COL22A1: variants seen among roughly 807,000 people sequenced by gnomAD.
COL22A1 encodes collagen alpha-1(XXII) chain.
COL22A1 carries 221 observed loss-of-function variants against 248.9 expected under a neutral mutation model. The observed-to-expected ratio is 0.89, with a 90% CI of 0.80 to 0.99. The LOEUF (loss-of-function observed/expected upper bound fraction) is 0.99. COL22A1 is among the 50% of genes least tolerant of loss of function. The pLI is 0.00. For missense variants in COL22A1, 2,240 were observed against 2,179.0 expected (o/e 1.03, Z -0.56); for synonymous variants, 891 against 793.4 (o/e 1.12, Z -2.07).
chr8:138,730,507 G>A (rs952669355), intron 23 of COL22A1, among the ~76,000 whole-genome samples: 5 of 152,120 alleles, frequency 3.3e-5, no homozygotes, highest in Non-Finnish European at 5.9e-5. Flanking sequence ...CTGGTGTCCC[G>A]GGAAAAGCAT....
intron 56 of COL22A1, among the ~76,000 whole-genome samples, chr8:138,609,773 C>G (rs925854478): frequency 6.6e-6 from 1 of 152,098 alleles, no homozygotes; most frequent in East Asian, 1.9e-4. Context: ...CATACGGTGC[C>G]AACACAGGCC....
chr8:138,811,902 G>A lies in COL22A1; in HGVS notation c.1346C>T (p.Thr449Ile), dbSNP rs1257565394. Residue 449 changes from threonine (T) to isoleucine (I), a missense_variant, in exon 9 of 65, where the codon ACA becomes ATA. Physicochemically the swap from Thr to Ile is moderately conservative, Grantham distance 89. Coordinates refer to ENST00000303045, the MANE Select transcript of COL22A1 (RefSeq NM_152888.3). ...GGGTGGGGGTGGAGGTGGAGGCTCT[G>A]TCACCACGGTCACCTGGCACTGGAA... ...PSGPCQVTVV[T>I]EPPPPPPPQR... The A allele has an allele frequency of 6.4e-7, 1 of 1,555,654 alleles. No individual in the cohort carries two copies. Among genetic ancestry groups the A allele is most frequent in the Non-Finnish European group, 8.7e-7 (1 of 1,150,936 alleles).
chr8:138,687,550 T>C (rs779231026), intron 37 of COL22A1, among the ~76,000 whole-genome samples: 2 of 152,210 alleles, frequency 1.3e-5, no homozygotes, highest in Non-Finnish European at 2.9e-5. Flanking sequence ...GGACAATCCA[T>C]GCCCCAATAT....
chr8:138,792,252 T>C (rs2131586735), intron 12 of COL22A1, among the ~76,000 whole-genome samples: 1 of 152,244 alleles, frequency 6.6e-6, no homozygotes, highest in East Asian at 1.9e-4. Flanking sequence ...TCTAGGCAAA[T>C]CCCTGCCTGA....
chr8:138,860,352 C>T (rs1563854001), intron 3 of COL22A1, among the ~76,000 whole-genome samples: 1 of 152,208 alleles, frequency 6.6e-6, no homozygotes. Context: ...AGCATAGAGA[C>T]CTCACTCCAG....
In COL22A1 at chr8:138,753,436, T is replaced by A. The variant is rs1354645664; in HGVS notation, c.2031+1721A>T. Among the ~76,000 whole-genome samples the A allele has an allele frequency of 3.3e-5, 5 of 152,174 alleles. No individual in the cohort carries two copies. The East Asian group carries it at 9.7e-4, about 29-fold the overall frequency. The stretch of plus-strand genomic sequence containing the variant: ...ACATCATGTATTGTACTAAATCCCA[T>A]TCTGTCTAGGCTAGAAGACATCTTC... On this transcript the variant is annotated intron_variant, in intron 21 of 64. Coordinates refer to ENST00000303045, the MANE Select transcript of COL22A1 (RefSeq NM_152888.3).
At chr8:138,839,216 G>A (rs1320875524) in intron 4 of COL22A1, among the ~76,000 whole-genome samples, 2 of 152,070 alleles carry the variant, frequency 1.3e-5, no homozygotes, top group African/African-American at 4.8e-5. Flanking sequence ...CACTATAAAG[G>A]GCCTCCTATG....
intron 3 of COL22A1, 55 bp downstream of exon 3, chr8:138,877,695 C>T (rs1459028349): frequency 2.0e-6 from 3 of 1,494,288 alleles, no homozygotes; most frequent in East Asian, 2.3e-5. Context: ...CTCCCGTGGG[C>T]TCAGCAGGGG....
rs575870682 is a variant in COL22A1, at chr8:138,594,606, C to T, written c.4433-407G>A. 9.2e-5 allele frequency among the ~76,000 whole-genome samples: 14 copies of T among 152,288 alleles called. No individual in the cohort carries two copies. In the South Asian group the frequency reaches 2.9e-3, roughly 32 times the overall value. On this transcript the variant is annotated intron_variant, in intron 62 of 64. Coordinates refer to ENST00000303045, the MANE Select transcript of COL22A1 (RefSeq NM_152888.3). Reference sequence around the variant, plus strand: ...CTACGCAATGGAGACAAAGAAACCGCACCCTACCCCACTGGGCTGGAATGA... The same window carrying T: ...CTACGCAATGGAGACAAAGAAACCGTACCCTACCCCACTGGGCTGGAATGA...
intron 59 of COL22A1, 75 bp downstream of exon 59, chr8:138,604,659 C>T (rs1290623698): frequency 7.6e-7 from 1 of 1,312,382 alleles, no homozygotes; most frequent in Non-Finnish European, 1.1e-6. Flanking sequence ...CTTCTAAGCC[C>T]AGGGCCTGAG....
intron 3 of COL22A1, among the ~76,000 whole-genome samples, chr8:138,856,652 G>A (rs1822042486): frequency 6.6e-6 from 1 of 150,970 alleles, no homozygotes; most frequent in African/African-American, 2.4e-5. Context: ...AACAGAGACA[G>A]AGACACAGCA....
intron 9 of COL22A1, among the ~76,000 whole-genome samples, chr8:138,810,990 T>C (rs751959083): frequency 6.6e-6 from 1 of 152,166 alleles, no homozygotes; most frequent in African/African-American, 2.4e-5. Flanking sequence ...CCCGGGGCCA[T>C]TGGCTCAGCA....
chr8:138,695,654 A>C (rs534764315), intron 32 of COL22A1, among the ~76,000 whole-genome samples: 1 of 152,270 alleles, frequency 6.6e-6, no homozygotes, highest in South Asian at 2.1e-4. Flanking sequence ...CAGGCTGGAC[A>C]GGCAGTACCC....
chr8:138,798,488 A>C (rs558377839), intron 11 of COL22A1, among the ~76,000 whole-genome samples: 2 of 152,234 alleles, frequency 1.3e-5, no homozygotes, highest in African/African-American at 2.4e-5. Context: ...ATAATAACTT[A>C]ATAGGGTCTA....
intron 3 of COL22A1, among the ~76,000 whole-genome samples, chr8:138,846,722 C>A (rs983826725): frequency 1.3e-5 from 2 of 152,144 alleles, no homozygotes; most frequent in South Asian, 4.1e-4. Context: ...TTCTTTTTGG[C>A]CAAGATATCC....
At chr8:138,837,980 C>G (rs2131841867) in intron 4 of COL22A1, among the ~76,000 whole-genome samples, 1 of 152,210 alleles carries the variant, frequency 6.6e-6, no homozygotes, top group Non-Finnish European at 1.5e-5. Flanking sequence ...GGGGCACAGA[C>G]AGCACCTGGG....
Position 138,663,692 on chromosome 8 carries a change from A to C in COL22A1, c.3186+13T>G, listed in dbSNP as rs751153591. Reference sequence around the variant, plus strand: ...CCATAGAAACTCATCCCTTTATTTAAAGCATACTGTACCGGGGATCCTTTG... The same window carrying C: ...CCATAGAAACTCATCCCTTTATTTACAGCATACTGTACCGGGGATCCTTTG... On this transcript the variant is annotated intron_variant, in intron 42 of 64. Transcript: ENST00000303045. 3 of 1,599,778 alleles carry C rather than the reference A, an allele frequency of 1.9e-6. No individual in the cohort carries two copies. Among genetic ancestry groups the C allele is most frequent in the Admixed American group, 1.7e-5 (1 of 60,012 alleles).
chr8:138,648,901 T>TG (rs1822442449), intron 46 of COL22A1, among the ~76,000 whole-genome samples: 3 of 152,348 alleles, frequency 2.0e-5, no homozygotes, highest in South Asian at 4.2e-4. Context: ...ATGTCTGTAA[T>TG]GGACTTTATC....
At chr8:138,810,469 G>A (rs1208597650) in intron 9 of COL22A1, among the ~76,000 whole-genome samples, 3 of 152,210 alleles carry the variant, frequency 2.0e-5, no homozygotes, top group African/African-American at 7.2e-5. Flanking sequence ...GTGGGTGGAG[G>A]AGCTGCTGCT....
Sources: gnomAD v4.1 joint callset for allele counts (sites outside exome capture counted in the v4.1 genomes callset) on GRCh38, gnomAD v4.1.1 for gene constraint, MANE v1.5 for transcripts, NCBI Gene and HGNC (gene_info 2026-07-23, HGNC 2026-07-21) for gene names.